Variants in PCDH15 observed in about 807,000 individuals in gnomAD.
The protein encoded by PCDH15 is protocadherin related 15.
In PCDH15, 129 loss-of-function variants were observed where a neutral mutation model predicts 178.5. The ratio of observed to expected loss-of-function variants is 0.72; its 90% CI spans 0.63 to 0.84. The LOEUF is 0.84. Among genes scored for constraint, PCDH15 ranks in the 40% least tolerant of loss-of-function variants. The pLI is 0.00. For synonymous variants in PCDH15, 800 were observed against 732.0 expected (o/e 1.09, Z -1.50); for missense variants, 2,230 against 2,099.9 (o/e 1.06, Z -1.21).
chr10:54,462,485 CT>C (rs889499088), intron 3 of PCDH15, among the ~76,000 whole-genome samples: 3 of 128,680 alleles, frequency 2.3e-5, no homozygotes, highest in African/African-American at 3.2e-5. Context: ...TCTTTCTTTT[CT>C]TTTCTTTTCT....
At chr10:53,838,098 C>A (rs2077416319) in intron 29 of PCDH15, among the ~76,000 whole-genome samples, 1 of 151,810 alleles carries the variant, frequency 6.6e-6, no homozygotes, top group African/African-American at 2.4e-5. Context: ...GCCTCAGCCT[C>A]CCAAGTGGCT....
intron 15 of PCDH15, among the ~76,000 whole-genome samples, chr10:54,130,120 A>C (rs1052563412): frequency 6.6e-6 from 1 of 151,590 alleles, no homozygotes; most frequent in African/African-American, 2.4e-5. Flanking sequence ...TAGATAAAAA[A>C]TTCAGACAGA....
intron 2 of PCDH15, among the ~76,000 whole-genome samples, chr10:55,459,548 G>A (rs1839627937): frequency 6.6e-6 from 1 of 152,078 alleles, no homozygotes; most frequent in South Asian, 2.1e-4. Context: ...TAAAATTTAT[G>A]TGAGCAAGGC....
At chr10:54,040,369 T>C (rs2093516110) in intron 18 of PCDH15, among the ~76,000 whole-genome samples, 1 of 151,978 alleles carries the variant, frequency 6.6e-6, no homozygotes, top group South Asian at 2.1e-4. Flanking sequence ...AGGTTTCCCC[T>C]TTGCTTGGCT....
At chr10:55,539,482 T>G (rs1396674369) in intron 2 of PCDH15, among the ~76,000 whole-genome samples, 1 of 152,064 alleles carries the variant, frequency 6.6e-6, no homozygotes, top group Non-Finnish European at 1.5e-5. Flanking sequence ...AGAAACCATC[T>G]TTAGGCAGTA....
intron 26 of PCDH15, among the ~76,000 whole-genome samples, chr10:53,874,882 T>C (rs983361478): frequency 4.6e-5 from 7 of 151,672 alleles, no homozygotes; most frequent in Non-Finnish European, 7.4e-5. Flanking sequence ...TGAAAAGAAA[T>C]GAAAAAGTAT....
chr10:54,326,420 A>G (rs537203800), intron 7 of PCDH15, among the ~76,000 whole-genome samples: 15 of 152,186 alleles, frequency 9.9e-5, no homozygotes, highest in Admixed American at 3.3e-4. Context: ...ATTTTCTCAA[A>G]GCAATTCCAT....
intron 2 of PCDH15, among the ~76,000 whole-genome samples, chr10:54,634,777 TA>T (rs2093802832): frequency 6.6e-6 from 1 of 152,020 alleles, no homozygotes; most frequent in Admixed American, 6.6e-5. Context: ...CTCAGATAAA[TA>T]AAAAAGACAC....
intron 8 of PCDH15, among the ~76,000 whole-genome samples, chr10:54,315,970 T>C (rs1354284521): frequency 1.0e-5 from 1 of 98,924 alleles, no homozygotes; most frequent in Non-Finnish European, 2.3e-5. Flanking sequence ...TTTTGTTTTT[T>C]GGGTTTTGTT....
chr10:55,113,618 G>T (rs1400327259), intron 2 of PCDH15, among the ~76,000 whole-genome samples: 1 of 152,106 alleles, frequency 6.6e-6, no homozygotes, highest in African/African-American at 2.4e-5. Flanking sequence ...TTCCACTGGA[G>T]ACTCCTTATA....
chr10:54,201,042 C>A (rs1452303127), intron 10 of PCDH15, among the ~76,000 whole-genome samples: 2 of 152,144 alleles, frequency 1.3e-5, no homozygotes, highest in Non-Finnish European at 2.9e-5. Flanking sequence ...TTACCCTGCA[C>A]GAACCTCCTC....
chr10:55,506,911 A>G (rs1461743694), intron 2 of PCDH15, among the ~76,000 whole-genome samples: 1 of 151,544 alleles, frequency 6.6e-6, no homozygotes, highest in Non-Finnish European at 1.5e-5. Flanking sequence ...AATTTTCTGA[A>G]AGCTGATTGA....
chr10:53,945,851 A>G lies in PCDH15; in HGVS notation c.3123-4876T>C, dbSNP rs1232290824. On this transcript the variant is annotated intron_variant, in intron 23 of 37. Transcript: ENST00000644397. ...AATATTTCATTGTATATATATATAT[A>G]TATATATATATATATATATATATAT... Among the ~76,000 whole-genome samples the G allele has an allele frequency of 2.8e-3, 124 of 44,432 alleles. 1 individual carries two copies. Among genetic ancestry groups the G allele is most frequent in the African/African-American group, 6.8e-3 (119 of 17,386 alleles). The allele number at this position is 44,432 out of a possible 152,430, so 29.1% of individuals were successfully genotyped here. A position where few individuals can be genotyped will look rare whatever the true frequency, so the allele number is the denominator to read the frequency against.
rs143104646 is a variant in PCDH15, at chr10:54,356,704, A to T, written c.475-10220T>A. 1.5e-3 allele frequency among the ~76,000 whole-genome samples: 231 copies of T among 152,130 alleles called. 1 individual carries two copies. Among genetic ancestry groups the T allele is most frequent in the African/African-American group, 5.4e-3 (224 of 41,542 alleles). ...CATCAAAAACAAAAAAAAAGCAAAAACTATCACAGTTTAGAGGAGACTGAA... is the reference window on the plus strand; with the variant it reads ...CATCAAAAACAAAAAAAAAGCAAAATCTATCACAGTTTAGAGGAGACTGAA... On this transcript the variant is annotated intron_variant, in intron 5 of 37. Coordinates refer to ENST00000644397, the MANE Select transcript of PCDH15 (RefSeq NM_001384140.1).
chr10:54,714,335 A>T (rs2095455576), intron 1 of PCDH15, among the ~76,000 whole-genome samples: 2 of 152,132 alleles, frequency 1.3e-5, no homozygotes, highest in South Asian at 4.1e-4. Flanking sequence ...AGAGACTGAT[A>T]GGTAATATGA....
chr10:55,557,224 TAAG>T (rs1380585201), intron 2 of PCDH15, among the ~76,000 whole-genome samples: 1 of 152,192 alleles, frequency 6.6e-6, no homozygotes, highest in East Asian at 1.9e-4. Context: ...CTGAAACATT[TAAG>T]TTTATTGAGT....
intron 2 of PCDH15, chr10:54,600,128 A>G: frequency 2.4e-6 from 2 of 822,752 alleles, no homozygotes; most frequent in Non-Finnish European, 4.0e-6. Flanking sequence ...GATGTGCCAG[A>G]GAAGAAGAAA....
chr10:55,091,638 T>C lies in PCDH15; in HGVS notation c.-80+74938A>G, dbSNP rs1453762358. On this transcript the variant is annotated intron_variant, in intron 2 of 5. Coordinates refer to the PCDH15 transcript ENST00000458638. ...CTACTTCTGTGAAAGGTAACTATCA[T>C]TTAAATATGAGGAATAGTTATGCTG... 2.0e-5 allele frequency among the ~76,000 whole-genome samples: 3 copies of C among 151,918 alleles called. No homozygotes were observed. In the South Asian group the frequency reaches 6.2e-4, roughly 31 times the overall value.
At chr10:54,379,081 G>A (rs1948854375) in intron 3 of PCDH15, 139 bp from the exon 4 acceptor site, 2 of 889,212 alleles carry the variant, frequency 2.2e-6, no homozygotes, top group Admixed American at 4.1e-5. Context: ...GCATAAGACA[G>A]AAAATATTCT....
Sources: allele counts gnomAD v4.1 joint callset (sites outside exome capture counted in the v4.1 genomes callset), GRCh38; gene constraint gnomAD v4.1.1; transcripts MANE v1.5; gene names NCBI Gene and HGNC (gene_info 2026-07-23, HGNC 2026-07-21).